ATP6V1B2: variants seen among roughly 807,000 people sequenced by gnomAD.
ATP6V1B2 encodes V-type proton ATPase subunit B, brain isoform.
Under a neutral mutation model 66.7 loss-of-function variants are expected in ATP6V1B2, and 23 were observed. The observed-to-expected ratio is 0.34, with a 90% CI of 0.25 to 0.49. ATP6V1B2 has a LOEUF of 0.49. ATP6V1B2 is among the 20% of genes least tolerant of loss of function. The pLI, the probability that ATP6V1B2 is intolerant of heterozygous loss-of-function variation, is 0.99. For missense variants in ATP6V1B2, 478 were observed against 650.8 expected (o/e 0.73, Z 2.89); for synonymous variants, 278 against 236.7 (o/e 1.17, Z -1.60).
At chr8:20,211,872 C>G (rs901048281) in intron 7 of ATP6V1B2, 119 bp downstream of exon 7, 20 of 915,240 alleles carry the variant, frequency 2.2e-5, no homozygotes, top group African/African-American at 1.9e-4. Context: ...TGCAATCTGG[C>G]ATTTTGGCCA....
chr8:20,210,487 C>T (rs780169810), intron 4 of ATP6V1B2, 48 bp downstream of exon 4: 1 of 1,605,644 alleles, frequency 6.2e-7, no homozygotes, highest in African/African-American at 1.3e-5. Flanking sequence ...TCCTTTTAAA[C>T]ATATTTCCAT....
In ATP6V1B2 at chr8:20,215,006, T is replaced by C. The variant is rs1260197861; in HGVS notation, c.1078+38T>C. 3.8e-6 allele frequency: 6 copies of C among 1,595,212 alleles called. No individual in the cohort carries two copies. The African/African-American group carries it at 8.1e-5, about 21-fold the overall frequency. ...ATTTGGATTATAACACACCTAATCA[T>C]TTTAAAGAGAGAGAAGACCCATCTA... On this transcript the variant is annotated intron_variant, in intron 10 of 13. Transcript: ENST00000276390.
At chr8:20,207,685 A>T (rs1010739267) in intron 2 of ATP6V1B2, among the ~76,000 whole-genome samples, 1 of 152,092 alleles carries the variant, frequency 6.6e-6, no homozygotes, top group African/African-American at 2.4e-5. Flanking sequence ...TATTATGTAA[A>T]AAGTGTTGTG....
At chr8:20,200,616 T>G (rs959469550) in intron 1 of ATP6V1B2, among the ~76,000 whole-genome samples, 2 of 152,214 alleles carry the variant, frequency 1.3e-5, no homozygotes, top group African/African-American at 4.8e-5. Flanking sequence ...TCACAAGGAA[T>G]GAAAACTTGA....
chr8:20,201,667 C>G (rs1365634731), intron 1 of ATP6V1B2, among the ~76,000 whole-genome samples: 2 of 152,176 alleles, frequency 1.3e-5, no homozygotes, highest in East Asian at 3.8e-4. Flanking sequence ...CCTGGCTCCC[C>G]CATTTAAAAA....
chr8:20,211,468 A>T, intron 6 of ATP6V1B2, 152 bp downstream of exon 6: 1 of 1,304,854 alleles, frequency 7.7e-7, no homozygotes, highest in East Asian at 2.5e-5. Flanking sequence ...TTATTTCTGC[A>T]CATGTCTTCT....
At chr8:20,210,694 T>G (rs779242225) in intron 5 of ATP6V1B2, 48 bp downstream of exon 5, 2 of 1,538,192 alleles carry the variant, frequency 1.3e-6, no homozygotes, top group Non-Finnish European at 1.8e-6. Flanking sequence ...ATAACCTCAC[T>G]CTGTCTTGTA....
At chr8:20,204,376 T>C (rs1222034058) in intron 1 of ATP6V1B2, 108 bp from the exon 2 acceptor site, 1 of 917,124 alleles carries the variant, frequency 1.1e-6, no homozygotes, top group Non-Finnish European at 1.7e-6. Flanking sequence ...GAGTGTACCG[T>C]ATTCTAATAG....
Position 20,197,469 on chromosome 8 carries a change from C to A in ATP6V1B2, c.63C>A (p.Thr21=), listed in dbSNP as rs554709863. 13 of 1,523,326 alleles carry A rather than the reference C, an allele frequency of 8.5e-6. No individual in the cohort carries two copies. The highest frequency in any genetic ancestry group is 1.1e-5 in the Non-Finnish European group (13 of 1,137,040). The allele number at this position is 1,523,326 out of a possible 1,614,324, so 94.4% of individuals were successfully genotyped here. Residue 21 remains threonine, a synonymous_variant, in exon 1 of 14, where the codon ACC becomes ACA. Coordinates refer to ENST00000276390, the MANE Select transcript of ATP6V1B2 (RefSeq NM_001693.4). ...CCGCACCCGAGCTACCCGTGCCCAC[C>A]GGTGGGCCGGCGGTGGGAGCTCGGG... The part of the protein sequence containing the change: ...NGAAPELPVP[T]GGPAVGAREQ...
intron 2 of ATP6V1B2, among the ~76,000 whole-genome samples, chr8:20,205,485 A>G (rs1042206042): frequency 1.3e-5 from 2 of 152,178 alleles, no homozygotes; most frequent in African/African-American, 4.8e-5. Flanking sequence ...GGAAGGACTT[A>G]GAAACCGTCT....
chr8:20,214,888 C>T lies in ATP6V1B2; in HGVS notation c.998C>T (p.Thr333Met), dbSNP rs745415060. The change falls in exon 10 of 14, where the codon ACG becomes ATG. Residue 333 changes from threonine to methionine, a missense_variant. Thr to Met is a moderately conservative substitution (Grantham distance 81, BLOSUM62 -1). Transcript: ENST00000276390. ...GGTTACATGTATACAGATTTAGCCACGATATATGAACGCGCTGGGCGAGTG... is the reference window on the plus strand; with the variant it reads ...GGTTACATGTATACAGATTTAGCCATGATATATGAACGCGCTGGGCGAGTG... ...FPGYMYTDLA[T>M]IYERAGRVEG... 3.7e-6 allele frequency: 6 copies of T among 1,613,514 alleles called. No homozygotes were observed. The highest frequency in any genetic ancestry group is 1.3e-5 in the African/African-American group (1 of 74,958).
intron 13 of ATP6V1B2, 146 bp from the exon 14 acceptor site, chr8:20,220,117 A>G (rs1354647378): frequency 1.7e-5 from 13 of 769,940 alleles, no homozygotes; most frequent in Non-Finnish European, 1.9e-5. Context: ...TCTTTTCCTC[A>G]GTCCTTCTCA....
intron 1 of ATP6V1B2, among the ~76,000 whole-genome samples, chr8:20,198,706 G>A (rs2072653657): frequency 6.6e-6 from 1 of 152,200 alleles, no homozygotes; most frequent in Admixed American, 6.5e-5. Flanking sequence ...TGGGCGATCT[G>A]AAGCCTGACT....
At chr8:20,216,363 C>A in intron 10 of ATP6V1B2, 50 bp from the exon 11 acceptor site, 1 of 1,541,580 alleles carries the variant, frequency 6.5e-7, no homozygotes, top group Non-Finnish European at 9.0e-7. Flanking sequence ...CGCTTTAAAA[C>A]TCATAACCTA....
chr8:20,216,668 G>C (rs1441424419), intron 11 of ATP6V1B2, 173 bp downstream of exon 11: 5 of 537,374 alleles, frequency 9.3e-6, no homozygotes, highest in African/African-American at 3.9e-5. Flanking sequence ...TGTCGGCAGA[G>C]CGCCAGAATT....
rs139022260 is a variant in ATP6V1B2 at position 20,207,266 on chromosome 8, C to A, written c.193-2167C>A. On this transcript the variant is annotated intron_variant, in intron 2 of 13. Coordinates refer to ENST00000276390, the MANE Select transcript of ATP6V1B2 (RefSeq NM_001693.4). ...ATAACAGTGGAACAAAATTTAGGGC[C>A]CTGAAATCAACTCTTCACACATGAG... is the stretch of plus-strand genomic sequence containing the variant. Among the ~76,000 whole-genome samples, 180 of 152,078 alleles carry A rather than the reference C, an allele frequency of 1.2e-3. 1 individual carries two copies. The highest frequency in any genetic ancestry group is 4.0e-3 in the African/African-American group (166 of 41,476).
chr8:20,213,613 C>G (rs1472570999), intron 9 of ATP6V1B2: 4 of 152,370 alleles, frequency 2.6e-5, no homozygotes, highest in Non-Finnish European at 5.9e-5. Context: ...GATTGTGCCA[C>G]TGCCCTCCAG....
At chr8:20,215,138 C>G (rs1048487093) in intron 10 of ATP6V1B2, 170 bp downstream of exon 10, 36 of 787,302 alleles carry the variant, frequency 4.6e-5, no homozygotes, top group Non-Finnish European at 6.2e-5. Context: ...AGTTATTATC[C>G]TATTGTGGAG....
chr8:20,210,460 C>T lies in ATP6V1B2; in HGVS notation c.385+21C>T, dbSNP rs535563452. 6.8e-6 allele frequency: 11 copies of T among 1,608,598 alleles called. No homozygotes were observed. The East Asian group carries it at 1.6e-4, about 23-fold the overall frequency. ...GCTTGGTAAATGGATATTATTCATT[C>T]TAAGCCGAGATCTGTTTCCTTTTAA... is the stretch of plus-strand genomic sequence containing the variant. On this transcript the variant is annotated intron_variant, in intron 4 of 13. Transcript: ENST00000276390.
Sources: gnomAD v4.1 joint callset for allele counts (sites outside exome capture counted in the v4.1 genomes callset) on GRCh38, gnomAD v4.1.1 for gene constraint, MANE v1.5 for transcripts, NCBI Gene and HGNC (gene_info 2026-07-23, HGNC 2026-07-21) for gene names.